Variants in ERV3-1 observed in about 807,000 individuals in gnomAD.
ERV3-1 encodes endogenous retrovirus group 3 member 1, envelope.
Under a neutral mutation model 24.6 loss-of-function variants are expected in ERV3-1, and 36 were observed. The ratio of observed to expected loss-of-function variants is 1.47; its 90% CI spans 1.12 to 1.94. ERV3-1 has a LOEUF of 1.94. Ranked by LOEUF, ERV3-1 falls within the 30% of genes most tolerant of loss-of-function variation. The probability of loss-of-function intolerance (pLI) is 0.00; values close to 1 mark genes in which losing one functional copy is unlikely to be tolerated. For synonymous variants in ERV3-1, 211 were observed against 122.6 expected (o/e 1.72, Z -4.76); for missense variants, 578 against 330.9 (o/e 1.75, Z -5.79).
rs540075699 is a variant in ERV3-1, at chr7:64,993,030, C to G, written c.-4G>C. ...GTAGCATGTTCATACCCAGCATGGACAGAAAAGGCTTTTTCCTGGGGGGAG... is the reference window on the plus strand; with the variant it reads ...GTAGCATGTTCATACCCAGCATGGAGAGAAAAGGCTTTTTCCTGGGGGGAG... On this transcript the variant is annotated 5_prime_UTR_variant, in exon 2 of 2. Transcript: ENST00000394323. 2.7e-6 allele frequency: 2 copies of G among 736,424 alleles called. No individual in the cohort carries two copies. Among genetic ancestry groups the G allele is most frequent in the East Asian group, 2.5e-5 (1 of 40,678 alleles). 45.6% of individuals were successfully genotyped at this position (736,424 alleles called of 1,614,324 possible).
chr7:64,999,566 A>T (rs914448298), intron 1 of ERV3-1, among the ~76,000 whole-genome samples: 2 of 152,194 alleles, frequency 1.3e-5, no homozygotes, highest in African/African-American at 2.4e-5. Context: ...AGTTAATCAT[A>T]CCGTGACAGG....
At position 64,990,537 on chromosome 7, in the gene ERV3-1, G is replaced by C. The variant is rs1786240527; in HGVS notation, c.*675C>G. 8.3e-6 allele frequency: 1 copy of C among 120,938 alleles called. No homozygotes were observed. Among genetic ancestry groups the C allele is most frequent in the Non-Finnish European group, 1.9e-5 (1 of 53,482 alleles). The allele number at this position is 120,938 out of a possible 1,614,324, so 7.5% of individuals were successfully genotyped here. Reference sequence around the variant, plus strand: ...GTCTTACAGAAGCAGAACAAAGGCAGTTAATCATACCGTGACAGGTTTTAC... The same window carrying C: ...GTCTTACAGAAGCAGAACAAAGGCACTTAATCATACCGTGACAGGTTTTAC... On this transcript the variant is annotated 3_prime_UTR_variant, in exon 2 of 2. Transcript: ENST00000394323.
intron 1 of ERV3-1, among the ~76,000 whole-genome samples, chr7:64,993,992 T>C (rs1786346285): frequency 6.6e-6 from 1 of 152,222 alleles, no homozygotes; most frequent in African/African-American, 2.4e-5. Context: ...TGTTTCTTAA[T>C]AGTATTTTAG....
chr7:65,005,852 G>A (rs990087599), intron 1 of ERV3-1, among the ~76,000 whole-genome samples: 1 of 152,114 alleles, frequency 6.6e-6, no homozygotes, highest in South Asian at 2.1e-4. Flanking sequence ...TTTTTCTAAA[G>A]TATTACATTG....
Position 64,992,152 on chromosome 7 carries a change from C to T in ERV3-1, c.875G>A (p.Cys292Tyr), listed in dbSNP as rs755091588. 4 of 766,416 alleles carry T rather than the reference C, an allele frequency of 5.2e-6. No homozygotes were observed. The highest frequency in any genetic ancestry group is 5.1e-5 in the Admixed American group (3 of 59,028). 47.5% of individuals were successfully genotyped at this position (766,416 alleles called of 1,614,324 possible). A position where few individuals can be genotyped will look rare whatever the true frequency, so the allele number is the denominator to read the frequency against. The change falls in exon 2 of 2, where the codon TGT becomes TAT. Residue 292 changes from cysteine (C) to tyrosine (Y), a missense_variant. By Grantham distance (194) the Cys-to-Tyr change is radical. Transcript: ENST00000394323. ...CATGTTCATTCCCCCACAGACATAA[C>T]ATGAAGCAACGTGCAGGCTGCTGGC... ...NIASSLHVASCYVCGGMNMGD... is the reference protein window; with the variant it reads ...NIASSLHVASYYVCGGMNMGD...
At chr7:64,998,696 T>C (rs1442606073) in intron 1 of ERV3-1, among the ~76,000 whole-genome samples, 1 of 152,128 alleles carries the variant, frequency 6.6e-6, no homozygotes, top group Non-Finnish European at 1.5e-5. Flanking sequence ...TTCTTAGATT[T>C]AATGGAGGGT....
At chr7:65,000,806 A>G (rs1786504892) in intron 1 of ERV3-1, among the ~76,000 whole-genome samples, 3 of 152,154 alleles carry the variant, frequency 2.0e-5, no homozygotes, top group African/African-American at 7.2e-5. Context: ...AAAATAAAAT[A>G]AAATATTTAA....
intron 1 of ERV3-1, among the ~76,000 whole-genome samples, chr7:64,999,275 G>A (rs1048520590): frequency 5.3e-5 from 8 of 152,224 alleles, no homozygotes; most frequent in Non-Finnish European, 8.8e-5. Context: ...CCCCCAGCCC[G>A]GGGCTCCAGT....
Position 64,990,927 on chromosome 7 carries a change from G to A in ERV3-1, c.*285C>T, listed in dbSNP as rs1202107251. ...TATTTCCTGCTTCATTCCCCCCTTTGATGCTTTTTATAAGTAAAGTTTAAG... is the reference window on the plus strand; with the variant it reads ...TATTTCCTGCTTCATTCCCCCCTTTAATGCTTTTTATAAGTAAAGTTTAAG... On this transcript the variant is annotated 3_prime_UTR_variant, in exon 2 of 2. Transcript: ENST00000394323. The A allele has an allele frequency of 1.2e-5, 3 of 253,474 alleles. No homozygotes were observed. Among genetic ancestry groups the A allele is most frequent in the Admixed American group, 5.1e-5 (1 of 19,418 alleles). The allele number at this position is 253,474 out of a possible 1,614,324, so 15.7% of individuals were successfully genotyped here. A position where few individuals can be genotyped will look rare whatever the true frequency, so the allele number is the denominator to read the frequency against.
intron 1 of ERV3-1, among the ~76,000 whole-genome samples, chr7:64,998,443 G>A (rs975385672): frequency 6.6e-6 from 1 of 152,052 alleles, no homozygotes; most frequent in East Asian, 1.9e-4. Flanking sequence ...TAGTTCCTTC[G>A]GCCAGCCATC....
At chr7:64,993,701 G>C (rs893008580) in intron 1 of ERV3-1, among the ~76,000 whole-genome samples, 1 of 152,092 alleles carries the variant, frequency 6.6e-6, no homozygotes, top group African/African-American at 2.4e-5. Context: ...GTATTTCATA[G>C]GGCGAATACC....
chr7:64,998,274 G>A (rs1047085372), intron 1 of ERV3-1, among the ~76,000 whole-genome samples: 3 of 152,142 alleles, frequency 2.0e-5, no homozygotes, highest in Non-Finnish European at 4.4e-5. Context: ...CGAGCTATGA[G>A]CGTTTTGCAA....
rs372825689 is a variant in ERV3-1, at chr7:64,992,834, G to C, written c.193C>G (p.Gln65Glu). ...GGGTCACAGACTGAGTAGGTTGTCT[G>C]GTTGTGAGTACAAGTTCCTAGGCAG... ...GTCLGTCTHNQTTYSVCDPGR... is the reference protein window; with the variant it reads ...GTCLGTCTHNETTYSVCDPGR... Residue 65 changes from glutamine to glutamate, a missense_variant, in exon 2 of 2, where the codon CAG (glutamine) becomes GAG (glutamate). Gln to Glu is a conservative substitution (Grantham distance 29). Transcript: ENST00000394323. The C allele has an allele frequency of 2.6e-6, 2 of 766,378 alleles. No homozygotes were observed. The highest frequency in any genetic ancestry group is 4.8e-6 in the Non-Finnish European group (2 of 417,896). The allele number at this position is 766,378 out of a possible 1,614,324, so 47.5% of individuals were successfully genotyped here. A position where few individuals can be genotyped will look rare whatever the true frequency, so the allele number is the denominator to read the frequency against.
At chr7:65,005,979 C>A (rs1040704114) in intron 1 of ERV3-1, 3 of 153,118 alleles carry the variant, frequency 2.0e-5, no homozygotes, top group Admixed American at 1.9e-4. Context: ...CTTTACCTAA[C>A]CAATTATTGA....
Position 64,991,654 on chromosome 7 carries a change from C to A in ERV3-1, c.1373G>T (p.Gly458Val), listed in dbSNP as rs1786269000. Residue 458 changes from glycine (G) to valine (V), a missense_variant, in exon 2 of 2, where the codon GGA (glycine) becomes GTA (valine). Physicochemically the swap from Gly to Val is moderately radical, Grantham distance 109. Transcript: ENST00000394323. ...TTTAGTTTCATCATAGATGGGGTATCCTAAGGCTTCTCCCTGTTTTAGGGG... is the reference window on the plus strand; with the variant it reads ...TTTAGTTTCATCATAGATGGGGTATACTAAGGCTTCTCCCTGTTTTAGGGG... Reference protein sequence around the residue: ...LMPLKQGEALGYPIYDETKRK... With the variant: ...LMPLKQGEALVYPIYDETKRK... 2.8e-6 allele frequency: 2 copies of A among 709,212 alleles called. No individual in the cohort carries two copies. Among genetic ancestry groups the A allele is most frequent in the African/African-American group, 3.5e-5 (2 of 57,546 alleles). 43.9% of individuals were successfully genotyped at this position (709,212 alleles called of 1,614,324 possible).
chr7:64,994,630 C>T (rs1786362068), intron 1 of ERV3-1, among the ~76,000 whole-genome samples: 1 of 152,232 alleles, frequency 6.6e-6, no homozygotes, highest in Non-Finnish European at 1.5e-5. Context: ...GGGATCCATA[C>T]AGCATCTAAG....
intron 1 of ERV3-1, chr7:65,003,990 A>AT (rs1206526378): frequency 6.6e-6 from 1 of 151,890 alleles, no homozygotes; most frequent in Admixed American, 6.6e-5. Flanking sequence ...GATTTTCCCT[A>AT]TTTTTTTCCT....
In ERV3-1 at chr7:64,999,117, T is replaced by A. The variant is rs1039120987; in HGVS notation, c.-388-5703A>T. On this transcript the variant is annotated intron_variant, in intron 1 of 1. Transcript: ENST00000394323. ...ACGGGTCCTGCCTTGGGCCCAAACCTTACTGCAGTCCTGTAGCGTGAAGTC... is the reference window on the plus strand; with the variant it reads ...ACGGGTCCTGCCTTGGGCCCAAACCATACTGCAGTCCTGTAGCGTGAAGTC... Among the ~76,000 whole-genome samples the A allele has an allele frequency of 1.0e-3, 153 of 152,260 alleles. 2 individuals carry two copies. In the East Asian group the frequency reaches 0.027, roughly 27 times the overall value.
intron 1 of ERV3-1, among the ~76,000 whole-genome samples, chr7:64,995,770 G>A (rs1313040023): frequency 2.0e-5 from 3 of 152,236 alleles, no homozygotes; most frequent in African/African-American, 7.2e-5. Flanking sequence ...CATAAGAGAT[G>A]GAGGAGGTCC....
Sources: allele counts gnomAD v4.1 joint callset (sites outside exome capture counted in the v4.1 genomes callset), GRCh38; gene constraint gnomAD v4.1.1; transcripts MANE v1.5; gene names NCBI Gene and HGNC (gene_info 2026-07-23, HGNC 2026-07-21).